Variants in MLLT6 observed in about 807,000 individuals in gnomAD.
MLLT6 encodes the protein MLLT6, PHD finger containing, also known as protein AF-17.
In MLLT6, 22 loss-of-function variants were observed where a neutral mutation model predicts 103.0. That is an observed-to-expected ratio of 0.21 (90% CI 0.15 to 0.31). MLLT6 has a LOEUF of 0.31. MLLT6 is among the 10% of genes least tolerant of loss of function. The pLI is 1.00. For synonymous variants in MLLT6, 606 were observed against 623.5 expected (o/e 0.97, Z 0.42); for missense variants, 1,199 against 1,441.7 (o/e 0.83, Z 2.73).
chr17:38,728,783 T>A lies in MLLT6; in HGVS notation c.*3185T>A, dbSNP rs1056099599. On this transcript the variant is annotated 3_prime_UTR_variant, in exon 20 of 20. Coordinates refer to ENST00000621332, the MANE Select transcript of MLLT6 (RefSeq NM_005937.4). ...CTGGCTGGCTGTCCCTGTGTGTGTG[T>A]GACACACGGTGTGAGTGCAGGGCTG... is the stretch of plus-strand genomic sequence containing the variant. The A allele has an allele frequency of 7.3e-5, 17 of 234,392 alleles. No individual in the cohort carries two copies. In the South Asian group the frequency reaches 2.9e-3, roughly 40 times the overall value. 14.5% of individuals were successfully genotyped at this position (234,392 alleles called of 1,614,324 possible). A position where few individuals can be genotyped will look rare whatever the true frequency, so the allele number is the denominator to read the frequency against.
chr17:38,724,102 C>G lies in MLLT6; in HGVS notation c.2884-518C>G, dbSNP rs995143977. ...CGAAACCCCGTCTCTACTAAAAATA[C>G]AAAAATTAGCCGGATGTGGTGGCAG... On this transcript the variant is annotated intron_variant, in intron 18 of 19. Coordinates refer to ENST00000621332, the MANE Select transcript of MLLT6 (RefSeq NM_005937.4). This position sits in a 1 kb window ranked among gnomAD's most constrained non-coding sequence, Gnocchi z 5.4. 4.0e-5 allele frequency among the ~76,000 whole-genome samples: 6 copies of G among 151,598 alleles called. No individual in the cohort carries two copies. In the East Asian group the frequency reaches 9.9e-4, roughly 25 times the overall value.
At chr17:38,725,005 C>A in intron 19 of MLLT6, 29 bp downstream of exon 19, 1 of 1,421,708 alleles carries the variant, frequency 7.0e-7, no homozygotes, top group Non-Finnish European at 9.5e-7. Context: ...GCCTTCCTGC[C>A]TCCCCTCTGA....
In MLLT6 at chr17:38,707,042, C is replaced by G. The variant is rs931276499; in HGVS notation, c.189+13C>G. On this transcript the variant is annotated intron_variant, in intron 2 of 19. Transcript: ENST00000621332. ...AGCAGCCAGGGTGGTGAGTTCCAGA[C>G]TGCCCCTCTCCACTCCCCTGCCCCT... 1.9e-6 allele frequency: 3 copies of G among 1,606,496 alleles called. No individual in the cohort carries two copies. In the African/African-American group the frequency reaches 4.0e-5, roughly 21 times the overall value.
chr17:38,709,123 G>C lies in MLLT6; in HGVS notation c.355-50G>C, dbSNP rs780304915. ...GGAGGGGGTGGCCTAAGGACCATCA[G>C]TAGAACAGGGGCTCCCTGGAGGAGG... On this transcript the variant is annotated intron_variant, in intron 4 of 19. Transcript: ENST00000621332. The surrounding 1 kb of genome is among the most constrained non-coding windows in gnomAD (Gnocchi z 4.3). 6.9e-7 allele frequency: 1 copy of C among 1,450,782 alleles called. No individual in the cohort carries two copies. Among genetic ancestry groups the C allele is most frequent in the Non-Finnish European group, 9.6e-7 (1 of 1,045,564 alleles). The allele number at this position is 1,450,782 out of a possible 1,614,324, so 89.9% of individuals were successfully genotyped here. A position where few individuals can be genotyped will look rare whatever the true frequency, so the allele number is the denominator to read the frequency against.
In MLLT6 at chr17:38,725,594, G is replaced by C; in HGVS notation, c.3278G>C (p.Gly1093Ala). 6.2e-7 allele frequency: 1 copy of C among 1,601,976 alleles called. No individual in the cohort carries two copies. The highest frequency in any genetic ancestry group is 2.3e-5 in the East Asian group (1 of 43,864). Residue 1093 changes from glycine (G) to alanine (A), a missense_variant, in exon 20 of 20, where the codon GGC (glycine) becomes GCC (alanine). By Grantham distance (60) the Gly-to-Ala change is moderately conservative. Around this residue, in one of 7 missense-constraint regions of MLLT6, gnomAD observed 55 missense variants for 93.3 expected, o/e 0.59. Transcript: ENST00000621332. ...GGAGCCTCAGCCAACCAGGAAAAAG[G>C]CTAAATCCACCCTTACCCCTCCTGA... ...DKGASANQEK[G>A]
At position 38,722,665 on chromosome 17, in the gene MLLT6, A is replaced by T. The variant is rs747849657; in HGVS notation, c.2793-13A>T. The T allele has an allele frequency of 8.6e-6, 2 of 232,230 alleles. No individual in the cohort carries two copies. Among genetic ancestry groups the T allele is most frequent in the African/African-American group, 1.7e-4 (2 of 12,028 alleles). 14.4% of individuals were successfully genotyped at this position (232,230 alleles called of 1,614,324 possible). A position where few individuals can be genotyped will look rare whatever the true frequency, so the allele number is the denominator to read the frequency against. ...GTGTGTTGTCCCCCCCCCACCCCCCACCCCCACCTCAGCCTTACAGAGCAG... is the reference window on the plus strand; with the variant it reads ...GTGTGTTGTCCCCCCCCCACCCCCCTCCCCCACCTCAGCCTTACAGAGCAG... On this transcript the variant is annotated splice_polypyrimidine_tract_variant and intron_variant, in intron 17 of 19. Coordinates refer to ENST00000621332, the MANE Select transcript of MLLT6 (RefSeq NM_005937.4).
chr17:38,724,416 AC>A lies in MLLT6; in HGVS notation c.2884-202del. ...GCCGGCAGTGCTGCAGCTGGCAAAT[AC>A]CAATGGCGTGCAACCATTTTCTTGT... On this transcript the variant is annotated intron_variant, in intron 18 of 19. Transcript: ENST00000621332. The surrounding 1 kb of genome is among the most constrained non-coding windows in gnomAD (Gnocchi z 5.4). 9.4e-6 allele frequency: 5 copies of A among 531,508 alleles called. No homozygotes were observed. The highest frequency in any genetic ancestry group is 1.7e-5 in the Non-Finnish European group (5 of 302,038). The allele number at this position is 531,508 out of a possible 1,614,324, so 32.9% of individuals were successfully genotyped here.
At position 38,716,489 on chromosome 17, in the gene MLLT6, G is replaced by A. The variant is rs761603750; in HGVS notation, c.1159G>A (p.Glu387Lys). Residue 387 changes from glutamate (E) to lysine (K), a missense_variant, in exon 10 of 20, where the codon GAG (glutamate) becomes AAG (lysine). Glu to Lys is a moderately conservative substitution (Grantham distance 56, BLOSUM62 1). This residue lies in a region of MLLT6 where 1,034 missense variants were observed against 1,091.5 expected (regional missense o/e 0.95). Coordinates refer to ENST00000621332, the MANE Select transcript of MLLT6 (RefSeq NM_005937.4). This position sits in a 1 kb window ranked among gnomAD's most constrained non-coding sequence, Gnocchi z 5.6. Reference protein sequence around the residue: ...PSAPPSPSAPEPPKADLFEQK... With the variant: ...PSAPPSPSAPKPPKADLFEQK... ...AGCCCCTCCTTCTCCCTCAGCTCCC[G>A]AGCCCCCCAAGGCTGACCTTTTTGA... The A allele has an allele frequency of 2.1e-5, 34 of 1,613,872 alleles. No homozygotes were observed. Among genetic ancestry groups the A allele is most frequent in the Non-Finnish European group, 2.5e-5 (29 of 1,179,994 alleles).
chr17:38,708,023 C>T, intron 4 of MLLT6, 151 bp downstream of exon 4: 1 of 621,260 alleles, frequency 1.6e-6, no homozygotes, highest in Non-Finnish European at 2.9e-6. Flanking sequence ...AACCACCCTT[C>T]TGTTGACAGA....
chr17:38,714,898 A>G (rs769752389), intron 8 of MLLT6: 1 of 152,292 alleles, frequency 6.6e-6, no homozygotes, highest in Non-Finnish European at 1.5e-5. Context: ...AGAACATTTC[A>G]GTGCAGAGTG....
chr17:38,715,814 C>T lies in MLLT6; in HGVS notation c.1022C>T (p.Pro341Leu), dbSNP rs1446005251. ...TCCTCTTCCTCCTCCTCTGGGGGGCCCTTCCAGCCTGCAGGTGAGTGTGGG... is the reference window on the plus strand; with the variant it reads ...TCCTCTTCCTCCTCCTCTGGGGGGCTCTTCCAGCCTGCAGGTGAGTGTGGG... ...SSSSSSSSGG[P>L]FQPAVSSLQS... The change falls in exon 9 of 20, where the codon CCC becomes CTC. Residue 341 changes from proline to leucine, a missense_variant. By Grantham distance (98) the Pro-to-Leu change is moderately conservative. Coordinates refer to ENST00000621332, the MANE Select transcript of MLLT6 (RefSeq NM_005937.4). 6.3e-7 allele frequency: 1 copy of T among 1,594,968 alleles called. No individual in the cohort carries two copies. The highest frequency in any genetic ancestry group is 8.5e-7 in the Non-Finnish European group (1 of 1,170,260).
intron 14 of MLLT6, 39 bp downstream of exon 14, chr17:38,719,934 G>A (rs779651447): frequency 2.6e-6 from 4 of 1,522,220 alleles, no homozygotes; most frequent in African/African-American, 1.4e-5. Context: ...CCTGCCCTAG[G>A]GCCCTAACAG....
chr17:38,722,634 T>TGGGGGGGGGGGTGTGGGGGGG, intron 17 of MLLT6, 44 bp from the exon 18 acceptor site: 2 of 532,158 alleles, frequency 3.8e-6, no homozygotes, highest in Non-Finnish European at 7.2e-6. Context: ...CCCTCCCCCA[T>TGGGGGGGGGGGTGTGGGGGGG]GGTCTGTGTG....
Position 38,711,254 on chromosome 17 carries a change from G to A in MLLT6, c.553-593G>A, listed in dbSNP as rs565174464. 5.3e-5 allele frequency among the ~76,000 whole-genome samples: 8 copies of A among 152,232 alleles called. No homozygotes were observed. The South Asian group carries it at 8.3e-4, about 16-fold the overall frequency. ...AGGCAGGCCCTGGCTGGGAGGAGAC[G>A]CAGCATGTGGGTTGTTTGGGTTGTG... On this transcript the variant is annotated intron_variant, in intron 6 of 19. Coordinates refer to ENST00000621332, the MANE Select transcript of MLLT6 (RefSeq NM_005937.4).
chr17:38,708,976 T>G, intron 4 of MLLT6, 197 bp from the exon 5 acceptor site: 1 of 564,168 alleles, frequency 1.8e-6, no homozygotes, highest in Non-Finnish European at 3.1e-6. Flanking sequence ...ATAGTTCAAG[T>G]GCTTATAGCC....
chr17:38,717,747 T>TCTGCTCCCCAGCACACCCGGCCCC (rs1365285115), intron 11 of MLLT6, 98 bp from the exon 12 acceptor site: 1 of 1,366,582 alleles, frequency 7.3e-7, no homozygotes, highest in Non-Finnish European at 1.0e-6. Flanking sequence ...TCTGGACCCC[T>TCTGCTCCCCAGCACACCCGGCCCC]CTGCTCCCCA....
chr17:38,724,806 G>A lies in MLLT6; in HGVS notation c.3070G>A (p.Ala1024Thr), dbSNP rs768581046. Residue 1024 changes from alanine to threonine, a missense_variant, in exon 19 of 20, where the codon GCT becomes ACT. Physicochemically the swap from Ala to Thr is moderately conservative, Grantham distance 58. This residue lies in a region of MLLT6 where 55 missense variants were observed against 93.3 expected (regional missense o/e 0.59). Coordinates refer to ENST00000621332, the MANE Select transcript of MLLT6 (RefSeq NM_005937.4). The surrounding 1 kb of genome is among the most constrained non-coding windows in gnomAD (Gnocchi z 5.4). ...PTASAPPLLP[A>T]GALVAPSLGN... is the part of the protein sequence containing the mutation. ...AGCGTCTGCTCCACCCCTGCTGCCC[G>A]CTGGAGCCCTAGTGGCTCCCTCGCT... 4.4e-6 allele frequency: 7 copies of A among 1,603,246 alleles called. No homozygotes were observed. The highest frequency in any genetic ancestry group is 2.3e-5 in the East Asian group (1 of 44,250).
At position 38,715,649 on chromosome 17, in the gene MLLT6, C is replaced by T. The variant is rs752751181; in HGVS notation, c.857C>T (p.Ala286Val). 6 of 1,613,820 alleles carry T rather than the reference C, an allele frequency of 3.7e-6. No homozygotes were observed. The highest frequency in any genetic ancestry group is 5.1e-6 in the Non-Finnish European group (6 of 1,179,936). Reference sequence around the variant, plus strand: ...GCTTCCTCTTCCTCCCACCACGAGGCCAGCACGCAGGAGACCTCTGAGAGC... The same window carrying T: ...GCTTCCTCTTCCTCCCACCACGAGGTCAGCACGCAGGAGACCTCTGAGAGC... ...SSASSSSHHEASTQETSESSR... is the reference protein window; with the variant it reads ...SSASSSSHHEVSTQETSESSR... Residue 286 changes from alanine to valine, a missense_variant, in exon 9 of 20, where the codon GCC (alanine) becomes GTC (valine). By Grantham distance (64) the Ala-to-Val change is moderately conservative. Coordinates refer to ENST00000621332, the MANE Select transcript of MLLT6 (RefSeq NM_005937.4).
chr17:38,715,157 T>C (rs1161641419), intron 8 of MLLT6, among the ~76,000 whole-genome samples: 1 of 152,060 alleles, frequency 6.6e-6, no homozygotes, highest in African/African-American at 2.4e-5. Flanking sequence ...GGGGCCGAAG[T>C]TTGGGGTAGT....
Sources: allele counts gnomAD v4.1 joint callset (sites outside exome capture counted in the v4.1 genomes callset), GRCh38; gene constraint gnomAD v4.1.1; regional missense constraint gnomAD v4.1.1; non-coding constraint Gnocchi (gnomAD v3.1); transcripts MANE v1.5; gene names NCBI Gene and HGNC (gene_info 2026-07-23, HGNC 2026-07-21).